The following PCDHGA2 variants were observed in gnomAD, a reference collection of about 807,000 sequenced individuals.
PCDHGA2 encodes the protein protocadherin gamma-A2.
Under a neutral mutation model 59.2 loss-of-function variants are expected in PCDHGA2, and 40 were observed. That is an observed-to-expected ratio of 0.68 (90% CI 0.52 to 0.88). The LOEUF (loss-of-function observed/expected upper bound fraction) is 0.88. PCDHGA2 is among the 40% of genes least tolerant of loss of function. The pLI, the probability that PCDHGA2 is intolerant of heterozygous loss-of-function variation, is 0.00. For synonymous variants in PCDHGA2, 560 were observed against 526.0 expected, an observed-to-expected ratio of 1.06 and a Z score of -0.89; for missense variants, 1,226 against 1,204.0, an observed-to-expected ratio of 1.02 and a Z score of -0.27.
Position 141,357,576 on chromosome 5 carries a change from G to A in PCDHGA2, c.2424+16181G>A, listed in dbSNP as rs781394563. ...GTTGTGAGAAAAGCGAGCCTCTTCT[G>A]ATAACTCAGGATTTACTTGAAACAA... On this transcript the variant is annotated intron_variant, in intron 1 of 3. Coordinates refer to ENST00000394576, the MANE Select transcript of PCDHGA2 (RefSeq NM_018915.4). 3.1e-6 allele frequency: 5 copies of A among 1,614,056 alleles called. No homozygotes were observed. The African/African-American group carries it at 5.3e-5, about 17-fold the overall frequency.
intron 1 of PCDHGA2, chr5:141,374,160 C>A: frequency 6.2e-7 from 1 of 1,612,164 alleles, no homozygotes; most frequent in Middle Eastern, 1.7e-4. Flanking sequence ...CTGTGGGGGG[C>A]CGCGGCAGCG....
intron 2 of PCDHGA2, among the ~76,000 whole-genome samples, chr5:141,497,293 C>T (rs1270907262): frequency 6.6e-6 from 1 of 152,136 alleles, no homozygotes. Flanking sequence ...TACCTACCAC[C>T]ACCCCAGGCC....
At position 141,370,670 on chromosome 5, in the gene PCDHGA2, AGAG is replaced by A. The variant is rs774593251; in HGVS notation, c.2424+29279_2424+29281del. On this transcript the variant is annotated intron_variant, in intron 1 of 3. Coordinates refer to ENST00000394576, the MANE Select transcript of PCDHGA2 (RefSeq NM_018915.4). ...TACTTGTGAGCGACCGTATAGACCGAGAGGAGATTTGTGGCAAGAAGTCGACGT... is the reference window on the plus strand; with the variant it reads ...TACTTGTGAGCGACCGTATAGACCGAGAGATTTGTGGCAAGAAGTCGACGT... The A allele has an allele frequency of 1.4e-5, 22 of 1,613,768 alleles. No homozygotes were observed. In the South Asian group the frequency reaches 1.5e-4, roughly 11 times the overall value.
At chr5:141,378,264 C>T (rs1167989776) in intron 1 of PCDHGA2, 2 of 152,212 alleles carry the variant, frequency 1.3e-5, no homozygotes, top group Non-Finnish European at 1.5e-5. Flanking sequence ...GTGGCTCATG[C>T]CTGTAATCCC....
At position 141,423,722 on chromosome 5, in the gene PCDHGA2, G is replaced by A. The variant is rs541297269; in HGVS notation, c.2425-71085G>A. Reference sequence around the variant, plus strand: ...CTTGGCACAAGTCTTTTAAGGAGATGTTTTTTGAGCCTGTTATGAAAACTG... The same window carrying A: ...CTTGGCACAAGTCTTTTAAGGAGATATTTTTTGAGCCTGTTATGAAAACTG... On this transcript the variant is annotated intron_variant, in intron 1 of 3. Coordinates refer to ENST00000394576, the MANE Select transcript of PCDHGA2 (RefSeq NM_018915.4). 5 of 954,184 alleles carry A rather than the reference G, an allele frequency of 5.2e-6. No individual in the cohort carries two copies. In the African/African-American group the frequency reaches 6.3e-5, roughly 12 times the overall value. The allele number at this position is 954,184 out of a possible 1,614,324, so 59.1% of individuals were successfully genotyped here.
chr5:141,472,307 C>T (rs949288194), intron 1 of PCDHGA2, among the ~76,000 whole-genome samples: 2 of 150,368 alleles, frequency 1.3e-5, no homozygotes, highest in Admixed American at 6.6e-5. Flanking sequence ...TTTGGGAAGC[C>T]GAGGCAGGCA....
chr5:141,492,546 G>A (rs2154587552), intron 1 of PCDHGA2, among the ~76,000 whole-genome samples: 1 of 152,336 alleles, frequency 6.6e-6, no homozygotes, highest in East Asian at 1.9e-4. Flanking sequence ...GCTGGGCCGG[G>A]TCGCCTGGGG....
At chr5:141,423,250 G>T in intron 1 of PCDHGA2, 1 of 1,613,954 alleles carries the variant, frequency 6.2e-7, no homozygotes, top group Non-Finnish European at 8.5e-7. Context: ...AGTCCTGGCG[G>T]ACCTCGGCAG....
intron 1 of PCDHGA2, among the ~76,000 whole-genome samples, chr5:141,469,120 T>C (rs188113354): frequency 6.6e-6 from 1 of 151,574 alleles, no homozygotes; most frequent in East Asian, 1.9e-4. Context: ...CTAAAAAAAT[T>C]TAAAAATTAG....
chr5:141,511,138 A>C lies in PCDHGA2; in HGVS notation c.2764A>C (p.Asn922His). 6.2e-7 allele frequency: 1 copy of C among 1,614,210 alleles called. No homozygotes were observed. ...DGKAPAGGNGNKKKSGKKEKK is the reference protein window; with the variant it reads ...DGKAPAGGNGHKKKSGKKEKK ...CAAGGCCCCAGCAGGTGGCAATGGCAACAAGAAGAAGTCGGGCAAGAAGGA... is the reference window on the plus strand; with the variant it reads ...CAAGGCCCCAGCAGGTGGCAATGGCCACAAGAAGAAGTCGGGCAAGAAGGA... Residue 922 changes from asparagine to histidine, a missense_variant, in exon 4 of 4, where the codon AAC becomes CAC. Transcript: ENST00000394576.
chr5:141,380,249 A>G (rs758616884), intron 1 of PCDHGA2, among the ~76,000 whole-genome samples: 1 of 152,198 alleles, frequency 6.6e-6, no homozygotes, highest in African/African-American at 2.4e-5. Flanking sequence ...GCAATTGTCA[A>G]AGGGGAAGGA....
Position 141,464,048 on chromosome 5 carries a change from T to G in PCDHGA2, c.2425-30759T>G, listed in dbSNP as rs377735829. Reference sequence around the variant, plus strand: ...GGGAGGCCAAGGCGGGTGGATCACCTGAGGTCAGGAGTTCAAGGCCAGCCT... The same window carrying G: ...GGGAGGCCAAGGCGGGTGGATCACCGGAGGTCAGGAGTTCAAGGCCAGCCT... On this transcript the variant is annotated intron_variant, in intron 1 of 3. Transcript: ENST00000394576. 1.2e-4 allele frequency among the ~76,000 whole-genome samples: 18 copies of G among 152,260 alleles called. No individual in the cohort carries two copies. In the East Asian group the frequency reaches 3.5e-3, roughly 29 times the overall value.
chr5:141,494,428 G>A (rs1476469017), intron 1 of PCDHGA2, among the ~76,000 whole-genome samples: 1 of 152,148 alleles, frequency 6.6e-6, no homozygotes, highest in African/African-American at 2.4e-5. Flanking sequence ...TCATTGAAAA[G>A]CCTCCTTTGC....
At position 141,489,125 on chromosome 5, in the gene PCDHGA2, G is replaced by T. The variant is rs537146985; in HGVS notation, c.2425-5682G>T. 1.1e-4 allele frequency: 77 copies of T among 728,124 alleles called. No individual in the cohort carries two copies. The East Asian group carries it at 1.9e-3, about 18-fold the overall frequency. 45.1% of individuals were successfully genotyped at this position (728,124 alleles called of 1,614,324 possible). A position where few individuals can be genotyped will look rare whatever the true frequency, so the allele number is the denominator to read the frequency against. ...CTGCAAGCAGGCAAACCTCCGAGCAGTTTTTAAGAGGCTGGAAGGAGACAT... is the reference window on the plus strand; with the variant it reads ...CTGCAAGCAGGCAAACCTCCGAGCATTTTTTAAGAGGCTGGAAGGAGACAT... On this transcript the variant is annotated intron_variant, in intron 1 of 3. Coordinates refer to ENST00000394576, the MANE Select transcript of PCDHGA2 (RefSeq NM_018915.4). The surrounding 1 kb of genome is among the most constrained non-coding windows in gnomAD (Gnocchi z 4.5).
intron 1 of PCDHGA2, chr5:141,394,825 T>G: frequency 6.2e-7 from 1 of 1,613,802 alleles, no homozygotes; most frequent in Non-Finnish European, 8.5e-7. Flanking sequence ...ATCCCCGAAG[T>G]CCTGACCGAG....
At chr5:141,341,595 C>A in intron 1 of PCDHGA2, 200 bp downstream of exon 1, 1 of 1,068,188 alleles carries the variant, frequency 9.4e-7, no homozygotes, top group South Asian at 1.7e-5. Flanking sequence ...AATCTTTGTG[C>A]AATGAATGTA....
In PCDHGA2 at chr5:141,388,210, T is replaced by C. The variant is rs1589055013; in HGVS notation, c.2424+46815T>C. ...GCTTGTGCTCTGGAATTTGAGGCTG[T>C]TGCTGAAAATCCACTGAACTTTTAT... On this transcript the variant is annotated intron_variant, in intron 1 of 3. Transcript: ENST00000394576. 1.9e-6 allele frequency: 3 copies of C among 1,587,862 alleles called. No homozygotes were observed. Among genetic ancestry groups the C allele is most frequent in the Non-Finnish European group, 2.6e-6 (3 of 1,159,126 alleles).
chr5:141,407,873 A>T (rs561323423), intron 1 of PCDHGA2: 1 of 354,686 alleles, frequency 2.8e-6, no homozygotes, highest in Non-Finnish European at 5.1e-6. Flanking sequence ...CGAAGAATAT[A>T]TACATTTCGG....
intron 1 of PCDHGA2, chr5:141,356,879 C>G (rs1760374565): frequency 6.2e-7 from 1 of 1,614,084 alleles, no homozygotes; most frequent in Admixed American, 1.7e-5. Context: ...GACAATGTCC[C>G]TGAGATCCTG....
Sources: gnomAD v4.1 joint callset for allele counts (sites outside exome capture counted in the v4.1 genomes callset) on GRCh38, gnomAD v4.1.1 for gene constraint, Gnocchi (gnomAD v3.1) non-coding constraint, MANE v1.5 for transcripts, NCBI Gene and HGNC (gene_info 2026-07-23, HGNC 2026-07-21) for gene names.